The following ZYG11A variants were observed in gnomAD, a reference collection of about 807,000 sequenced individuals.
ZYG11A encodes zyg-11 family member A, cell cycle regulator.
In ZYG11A, 62 loss-of-function variants were observed where a neutral mutation model predicts 77.2. The observed-to-expected ratio is 0.80, with a 90% CI of 0.65 to 0.99. The LOEUF (loss-of-function observed/expected upper bound fraction) is 0.99, where lower values mean the gene tolerates loss of function less well. Ranked by LOEUF, ZYG11A falls within the 50% of genes least tolerant of loss-of-function variation. ZYG11A has a pLI of 0.00. For synonymous variants in ZYG11A, 315 were observed against 324.6 expected (o/e 0.97, Z 0.32); for missense variants, 828 against 896.8 (o/e 0.92, Z 0.98).
intron 8 of ZYG11A, among the ~76,000 whole-genome samples, chr1:52,871,917 A>T (rs567899214): frequency 6.6e-6 from 1 of 152,286 alleles, no homozygotes; most frequent in Non-Finnish European, 1.5e-5. Flanking sequence ...CAAGTCTTTC[A>T]TGTCCTCCAG....
chr1:52,849,055 G>A (rs2149986153), intron 1 of ZYG11A, among the ~76,000 whole-genome samples: 1 of 151,970 alleles, frequency 6.6e-6, no homozygotes, highest in South Asian at 2.1e-4. Context: ...TTCTTTTGGA[G>A]TTTCTTTACT....
intron 3 of ZYG11A, 21 bp from the exon 4 acceptor site, chr1:52,860,710 T>G (rs1341424574): frequency 1.3e-6 from 2 of 1,549,028 alleles, no homozygotes. Flanking sequence ...GAAACCTGTT[T>G]GGTAACATCT....
rs1009922968 is a variant in ZYG11A at position 52,891,952 on chromosome 1, T to A, written c.2105-830T>A. On this transcript the variant is annotated intron_variant, in intron 13 of 13. Coordinates refer to ENST00000371528, the MANE Select transcript of ZYG11A (RefSeq NM_001004339.3). ...TCTCGCTCTGTCGCCCAGGCTGGAG[T>A]GCAGTGGCGTGATCTCGGCTCACTG... Among the ~76,000 whole-genome samples, 19 of 151,708 alleles carry A rather than the reference T, an allele frequency of 1.3e-4. 2 individuals carry two copies. Among genetic ancestry groups the A allele is most frequent in the African/African-American group, 4.1e-4 (17 of 41,158 alleles).
At chr1:52,866,195 C>T (rs929136513) in intron 5 of ZYG11A, among the ~76,000 whole-genome samples, 5 of 152,120 alleles carry the variant, frequency 3.3e-5, no homozygotes, top group Non-Finnish European at 5.9e-5. Context: ...CCTCTGCCTC[C>T]CAAAGTGCTG....
At chr1:52,842,997 G>T in intron 1 of ZYG11A, 24 bp downstream of exon 1, 2 of 1,495,642 alleles carry the variant, frequency 1.3e-6, no homozygotes, top group South Asian at 1.3e-5. Flanking sequence ...TGCGGGCGGC[G>T]ACGCGGACCT....
chr1:52,872,896 AAAAGAAAAG>A (rs1207603255), intron 8 of ZYG11A, among the ~76,000 whole-genome samples: 4 of 46,994 alleles, frequency 8.5e-5, no homozygotes, highest in African/African-American at 2.5e-4. Flanking sequence ...AAAAAAAAAA[AAAAGAAAAG>A]AAAAGAAAGA....
At chr1:52,867,394 A>G (rs1376795470) in intron 6 of ZYG11A, 145 bp from the exon 7 acceptor site, 4 of 623,374 alleles carry the variant, frequency 6.4e-6, no homozygotes, top group Non-Finnish European at 1.1e-5. Context: ...CTCTCTGCCA[A>G]ATGCTCTTGG....
intron 1 of ZYG11A, among the ~76,000 whole-genome samples, chr1:52,852,514 A>C (rs1645733260): frequency 6.7e-6 from 1 of 149,136 alleles, no homozygotes; most frequent in Admixed American, 6.7e-5. Flanking sequence ...ATAGATAGGC[A>C]TGTGCCACCA....
chr1:52,858,031 C>T (rs1172345494), intron 3 of ZYG11A, among the ~76,000 whole-genome samples: 1 of 151,716 alleles, frequency 6.6e-6, no homozygotes, highest in Non-Finnish European at 1.5e-5. Flanking sequence ...AGGTGATCTG[C>T]TTGCCTCGGC....
rs1318309032 is a variant in ZYG11A at position 52,857,310 on chromosome 1, A to T, written c.569A>T (p.Asn190Ile). ...LTGLRILSVF[N>I]VCFHTEDLAN... ...GGTCTTCGCATTTTAAGTGTTTTTA[A>T]TGTTTGTTTTCATACTGAAGACCTG... The change falls in exon 3 of 14, where the codon AAT becomes ATT. Residue 190 changes from asparagine to isoleucine, a missense_variant. Physicochemically the swap from Asn to Ile is moderately radical, Grantham distance 149. Transcript: ENST00000371528. 2 of 1,551,760 alleles carry T rather than the reference A, an allele frequency of 1.3e-6. No individual in the cohort carries two copies. The highest frequency in any genetic ancestry group is 2.7e-5 in the African/African-American group (2 of 73,026).
At chr1:52,853,862 T>G (rs2149991406) in intron 1 of ZYG11A, among the ~76,000 whole-genome samples, 1 of 152,164 alleles carries the variant, frequency 6.6e-6, no homozygotes, top group Non-Finnish European at 1.5e-5. Context: ...GCTGTGATTG[T>G]GCCACTGCAC....
chr1:52,843,185 G>GA (rs1396630191), intron 1 of ZYG11A, among the ~76,000 whole-genome samples: 1 of 152,136 alleles, frequency 6.6e-6, no homozygotes, highest in African/African-American at 2.4e-5. Flanking sequence ...GGAGCGGGGG[G>GA]TGCTTTTCTG....
At chr1:52,845,340 C>G (rs1421776006) in intron 1 of ZYG11A, among the ~76,000 whole-genome samples, 2 of 142,560 alleles carry the variant, frequency 1.4e-5, no homozygotes, top group African/African-American at 5.2e-5. Flanking sequence ...GAGCCTTGCT[C>G]TGTCACTCAG....
chr1:52,888,343 GAACT>G (rs1289370964), intron 13 of ZYG11A, among the ~76,000 whole-genome samples: 1 of 152,150 alleles, frequency 6.6e-6, no homozygotes, highest in African/African-American at 2.4e-5. Context: ...CAACAGGAAA[GAACT>G]AACAAAAATG....
At chr1:52,892,328 C>G (rs1213489577) in intron 13 of ZYG11A, among the ~76,000 whole-genome samples, 5 of 149,136 alleles carry the variant, frequency 3.4e-5, no homozygotes, top group African/African-American at 1.2e-4. Flanking sequence ...GAGATCGAGA[C>G]CATCCTGGCT....
chr1:52,871,191 G>A (rs1485311881), intron 8 of ZYG11A, among the ~76,000 whole-genome samples: 1 of 152,158 alleles, frequency 6.6e-6, no homozygotes, highest in Non-Finnish European at 1.5e-5. Flanking sequence ...CTGGTGTGTA[G>A]TGGCAAGTGG....
intron 8 of ZYG11A, among the ~76,000 whole-genome samples, chr1:52,868,558 G>C (rs1646073906): frequency 6.6e-6 from 1 of 152,068 alleles, no homozygotes; most frequent in African/African-American, 2.4e-5. Context: ...GAGGCGGGTG[G>C]ATCACGAGGT....
chr1:52,863,902 T>A (rs542412655), intron 4 of ZYG11A, 79 bp from the exon 5 acceptor site: 11 of 1,314,546 alleles, frequency 8.4e-6, no homozygotes, highest in Non-Finnish European at 1.1e-5. Context: ...AACGAAGATT[T>A]GTGCCAATCA....
chr1:52,881,710 A>G, intron 11 of ZYG11A, 45 bp downstream of exon 11: 1 of 1,384,462 alleles, frequency 7.2e-7, no homozygotes, highest in Non-Finnish European at 9.8e-7. Context: ...AGTAATCTCT[A>G]ATTACAGAAA....
Sources: gnomAD v4.1 joint callset for allele counts (sites outside exome capture counted in the v4.1 genomes callset) on GRCh38, gnomAD v4.1.1 for gene constraint, MANE v1.5 for transcripts, NCBI Gene and HGNC (gene_info 2026-07-23, HGNC 2026-07-21) for gene names.